The following HMOX2 variants were observed in gnomAD, a reference collection of about 807,000 sequenced individuals.
HMOX2 encodes heme oxygenase 2, also known as heme oxygenase (decycling) 2.
In HMOX2, 30 loss-of-function variants were observed where a neutral mutation model predicts 33.7. The ratio of observed to expected loss-of-function variants is 0.89; its 90% CI spans 0.67 to 1.21. The LOEUF (loss-of-function observed/expected upper bound fraction) is 1.21, where lower values mean the gene tolerates loss of function less well. Among genes scored for constraint, HMOX2 ranks in the 50% most tolerant of loss-of-function variants. The pLI, the probability that HMOX2 is intolerant of heterozygous loss-of-function variation, is 0.00. For synonymous variants in HMOX2, 155 were observed against 155.0 expected (o/e 1.00, Z 0.00); for missense variants, 403 against 399.1 (o/e 1.01, Z -0.08).
rs369456522 is a variant in HMOX2, at chr16:4,509,708, C to A, written c.903C>A (p.Ala301=). The A allele has an allele frequency of 1.1e-5, 18 of 1,613,800 alleles. No homozygotes were observed. The highest frequency in any genetic ancestry group is 1.5e-5 in the Non-Finnish European group (18 of 1,179,978). ...AGCCCAGCCTCCAGTTCATCCTGGC[C>A]GCTGGTGTGGCCCTAGCTGCTGGAC... ...LRKPSLQFIL[A]AGVALAAGLL... is the part of the protein sequence containing the mutation. Residue 301 remains alanine (A), a synonymous_variant, in exon 6 of 6, where the codon GCC becomes GCA. Transcript: ENST00000570646.
intron 1 of HMOX2, among the ~76,000 whole-genome samples, chr16:4,493,153 C>T (rs1364856872): frequency 6.6e-6 from 1 of 152,168 alleles, no homozygotes; most frequent in Non-Finnish European, 1.5e-5. Flanking sequence ...CCCACCTAAG[C>T]CTCCTAAGTG....
upstream of HMOX2, among the ~76,000 whole-genome samples, chr16:4,475,195 C>T (rs17881539): frequency 1.9e-3 from 294 of 151,822 alleles, no homozygotes; most frequent in African/African-American, 6.5e-3. Context: ...TAAAGTGATC[C>T]ACCCACCTCA....
chr16:4,509,250 G>C (rs532099662), intron 4 of HMOX2, among the ~76,000 whole-genome samples, 162 bp from the exon 5 acceptor site: 2 of 152,148 alleles, frequency 1.3e-5, no homozygotes, highest in East Asian at 3.9e-4. Context: ...TAAGGTGGGA[G>C]GACCACTTGA....
Position 4,508,223 on chromosome 16 carries a change from A to C in HMOX2, c.696+19A>C. ...CATGCAGGTACTATTGGGGGCTGCC[A>C]GCTGCTAGGGCTGAAGAGGGAAACT... On this transcript the variant is annotated intron_variant, in intron 4 of 5. Coordinates refer to ENST00000570646, the MANE Select transcript of HMOX2 (RefSeq NM_002134.4). 1 of 1,581,626 alleles carries C rather than the reference A, an allele frequency of 6.3e-7. No homozygotes were observed. Among genetic ancestry groups the C allele is most frequent in the East Asian group, 2.2e-5 (1 of 44,614 alleles).
intron 1 of HMOX2, among the ~76,000 whole-genome samples, chr16:4,487,437 G>A (rs962170252): frequency 5.3e-5 from 8 of 151,830 alleles, no homozygotes; most frequent in East Asian, 1.9e-4. Context: ...TTGGGAGGCC[G>A]AGGCGGGCGG....
chr16:4,480,651 A>ATTT (rs776262645), intron 1 of HMOX2, among the ~76,000 whole-genome samples: 17 of 119,538 alleles, frequency 1.4e-4, no homozygotes, highest in African/African-American at 4.5e-4. Context: ...AGGGCCTACT[A>ATTT]TTTTTTTTTT....
chr16:4,504,521 C>T (rs149007892), intron 1 of HMOX2, among the ~76,000 whole-genome samples: 2,119 of 150,964 alleles, frequency 0.014, 25 homozygotes, highest in Non-Finnish European at 0.021. Flanking sequence ...CCACCACATC[C>T]GGCTAATTTT....
At chr16:4,476,828 T>A (rs544000164) in intron 1 of HMOX2, among the ~76,000 whole-genome samples, 2 of 152,188 alleles carry the variant, frequency 1.3e-5, no homozygotes, top group Non-Finnish European at 2.9e-5. Context: ...GCGTCACGGC[T>A]ATGCTGGGCG....
chr16:4,505,265 G>A (rs2058661818), intron 1 of HMOX2, among the ~76,000 whole-genome samples: 1 of 152,162 alleles, frequency 6.6e-6, no homozygotes, highest in Admixed American at 6.5e-5. Context: ...CAAGCTTAAT[G>A]TCAATACAAT....
Position 4,508,172 on chromosome 16 carries a change from GA to G in HMOX2, c.665del (p.Glu222GlyfsTer70). 1 of 1,612,936 alleles carries G rather than the reference GA, an allele frequency of 6.2e-7. No individual in the cohort carries two copies. The highest frequency in any genetic ancestry group is 8.5e-7 in the Non-Finnish European group (1 of 1,179,452). On this transcript the variant is annotated frameshift_variant, in exon 4 of 6. Coordinates refer to ENST00000570646, the MANE Select transcript of HMOX2 (RefSeq NM_002134.4). LOFTEE classifies it high-confidence loss of function. ...NMKTKERIVE[E>X]ANKAFEYNMQ... ...GAAGACCAAAGAGAGGATCGTGGAG[GA>G]GGCCAACAAGGCTTTTGAGTATAAC...
At chr16:4,478,066 T>C (rs888035892) in intron 1 of HMOX2, among the ~76,000 whole-genome samples, 9 of 152,176 alleles carry the variant, frequency 5.9e-5, no homozygotes, top group Admixed American at 6.6e-5. Context: ...GGTGTGGGAA[T>C]TTGTGGAGCC....
chr16:4,484,460 C>CTTTTTT (rs58092240), intron 1 of HMOX2, among the ~76,000 whole-genome samples: 27 of 118,278 alleles, frequency 2.3e-4, no homozygotes, highest in Admixed American at 4.3e-4. Flanking sequence ...CTTTTCTTTT[C>CTTTTTT]TTTTTTTTTT....
chr16:4,503,808 T>C (rs1400430962), intron 1 of HMOX2, among the ~76,000 whole-genome samples: 3 of 152,252 alleles, frequency 2.0e-5, no homozygotes, highest in Admixed American at 2.0e-4. Flanking sequence ...TTGGGCCTTT[T>C]AAGGACCATT....
chr16:4,481,459 A>T (rs747474780), intron 1 of HMOX2, among the ~76,000 whole-genome samples: 11 of 152,240 alleles, frequency 7.2e-5, no homozygotes, highest in Admixed American at 1.3e-4. Context: ...GATGATCATA[A>T]TTTTTATGCG....
At chr16:4,492,392 T>C (rs984266869) in intron 1 of HMOX2, among the ~76,000 whole-genome samples, 7 of 151,758 alleles carry the variant, frequency 4.6e-5, no homozygotes, top group African/African-American at 1.7e-4. Flanking sequence ...TGAGTTGAGG[T>C]TCGTCATGAA....
At chr16:4,484,837 T>C (rs541661670) in intron 1 of HMOX2, among the ~76,000 whole-genome samples, 1 of 152,314 alleles carries the variant, frequency 6.6e-6, no homozygotes, top group South Asian at 2.1e-4. Context: ...AAATCATCTG[T>C]ATTTATAATA....
chr16:4,483,938 A>G (rs1229183378), intron 1 of HMOX2, among the ~76,000 whole-genome samples: 2 of 151,054 alleles, frequency 1.3e-5, no homozygotes, highest in African/African-American at 4.9e-5. Context: ...ATCTTCTTCT[A>G]AATTACAGTA....
chr16:4,499,655 TAA>T (rs1363150901), intron 1 of HMOX2, among the ~76,000 whole-genome samples: 1 of 152,134 alleles, frequency 6.6e-6, no homozygotes, highest in East Asian at 1.9e-4. Context: ...TCAAAATTGG[TAA>T]AAGAGTGGAT....
rs373731791 is a variant in HMOX2, at chr16:4,509,622, C to T, written c.824-7C>T. ...ATGCCATGTCTCCTATTGGTGCTGC[C>T]ACACAGGTGCCCTGGAGGGCAGCAG... On this transcript the variant is annotated splice_region_variant and splice_polypyrimidine_tract_variant and intron_variant, in intron 5 of 5. Transcript: ENST00000570646. The T allele has an allele frequency of 1.2e-6, 2 of 1,613,404 alleles. No individual in the cohort carries two copies. The highest frequency in any genetic ancestry group is 2.2e-5 in the East Asian group (1 of 44,872).
Sources: allele counts gnomAD v4.1 joint callset (sites outside exome capture counted in the v4.1 genomes callset), GRCh38; gene constraint gnomAD v4.1.1; transcripts MANE v1.5; gene names NCBI Gene and HGNC (gene_info 2026-07-23, HGNC 2026-07-21).